Variants in CCDC88C observed in about 807,000 individuals in gnomAD.
The protein encoded by CCDC88C is coiled-coil and HOOK domain protein 88C, also known as protein Daple.
Under a neutral mutation model 198.8 loss-of-function variants are expected in CCDC88C, and 131 were observed. The ratio of observed to expected loss-of-function variants is 0.66; its 90% CI spans 0.57 to 0.76. CCDC88C has a LOEUF of 0.76. Among genes scored for constraint, CCDC88C ranks in the 30% least tolerant of loss-of-function variants. The pLI, the probability that CCDC88C is intolerant of heterozygous loss-of-function variation, is 0.00. For missense variants in CCDC88C, 2,553 were observed against 2,631.6 expected (o/e 0.97, Z 0.65); for synonymous variants, 1,166 against 1,114.7 (o/e 1.05, Z -0.92).
intron 23 of CCDC88C, among the ~76,000 whole-genome samples, chr14:91,292,432 T>C (rs1890699992): frequency 6.6e-6 from 1 of 152,208 alleles, no homozygotes; most frequent in Admixed American, 6.5e-5. Flanking sequence ...CTGCTGGCGA[T>C]ATTTTATCAC....
intron 3 of CCDC88C, among the ~76,000 whole-genome samples, chr14:91,384,123 C>T (rs923113070): frequency 1.3e-5 from 2 of 152,108 alleles, no homozygotes; most frequent in Non-Finnish European, 2.9e-5. Flanking sequence ...AACATCCAAG[C>T]CATGAAGATT....
At position 91,271,497 on chromosome 14, in the gene CCDC88C, A is replaced by G. The variant is rs1889732775; in HGVS notation, c.*1128T>C. On this transcript the variant is annotated 3_prime_UTR_variant, in exon 30 of 30. Transcript: ENST00000389857. ...AAAAAATCTTAAAAAAAAAAAATCAATAGGTTTAGTTCACCCCAGGAAAAG... is the reference window on the plus strand; with the variant it reads ...AAAAAATCTTAAAAAAAAAAAATCAGTAGGTTTAGTTCACCCCAGGAAAAG... The G allele has an allele frequency of 6.6e-6, 1 of 152,104 alleles. No individual in the cohort carries two copies. The highest frequency in any genetic ancestry group is 6.5e-5 in the Admixed American group (1 of 15,286). 9.4% of individuals were successfully genotyped at this position (152,104 alleles called of 1,614,324 possible). A position where few individuals can be genotyped will look rare whatever the true frequency, so the allele number is the denominator to read the frequency against.
rs147845088 is a variant in CCDC88C, at chr14:91,298,193, G to A, written c.3780-702C>T. Among the ~76,000 whole-genome samples, 11 of 152,248 alleles carry A rather than the reference G, an allele frequency of 7.2e-5. No individual in the cohort carries two copies. In the East Asian group the frequency reaches 2.1e-3, roughly 29 times the overall value. The stretch of plus-strand genomic sequence containing the variant: ...CTCACGCCTGTAATCCCAGCACTCT[G>A]GGAGGCTGAGGAGGGAGGATCGCTT... On this transcript the variant is annotated intron_variant, in intron 21 of 29. Coordinates refer to ENST00000389857, the MANE Select transcript of CCDC88C (RefSeq NM_001080414.4).
intron 10 of CCDC88C, 97 bp downstream of exon 10, chr14:91,337,908 T>TC (rs143526822): frequency 0.011 from 15,645 of 1,462,256 alleles, 123 homozygotes; most frequent in Middle Eastern, 0.029. Flanking sequence ...CAGCTGTGGC[T>TC]CCGCTCCTCC....
intron 23 of CCDC88C, among the ~76,000 whole-genome samples, chr14:91,293,451 GGTCCACCTTCCCATCCTCACCTGCCACA>G (rs1567055381): frequency 3.1e-3 from 4 of 1,302 alleles, no homozygotes; most frequent in Admixed American, 8.5e-3. Flanking sequence ...CACCTGCCAC[GGTCCACCTTCCCATCCTCACCTGCCACA>G]GCTCACCTTC....
Position 91,325,011 on chromosome 14 carries a change from T to C in CCDC88C, c.1198-88A>G. ...CTCAGCCCCTGTATAGCTACCGTCA[T>C]GTGCTGTGGATGAAGATGTACTGGC... On this transcript the variant is annotated intron_variant, in intron 11 of 29. Transcript: ENST00000389857. The surrounding 1 kb of genome is among the most constrained non-coding windows in gnomAD (Gnocchi z 4.1). The C allele has an allele frequency of 7.2e-6, 11 of 1,521,124 alleles. No homozygotes were observed. The highest frequency in any genetic ancestry group is 1.4e-5 in the African/African-American group (1 of 73,014). The allele number at this position is 1,521,124 out of a possible 1,614,324, so 94.2% of individuals were successfully genotyped here.
intron 29 of CCDC88C, among the ~76,000 whole-genome samples, chr14:91,274,096 C>T (rs1404774707): frequency 3.0e-5 from 4 of 134,996 alleles, no homozygotes; most frequent in East Asian, 2.1e-4. Flanking sequence ...CTTCACCTTG[C>T]GCCACCGAGA....
chr14:91,358,579 T>C (rs1894148002), intron 4 of CCDC88C, among the ~76,000 whole-genome samples: 1 of 152,228 alleles, frequency 6.6e-6, no homozygotes. Flanking sequence ...CATTACTCCA[T>C]TTAATGCACC....
intron 22 of CCDC88C, among the ~76,000 whole-genome samples, chr14:91,296,497 T>C (rs1891007798): frequency 2.6e-5 from 4 of 152,170 alleles, no homozygotes; most frequent in Admixed American, 2.6e-4. Flanking sequence ...GGCAGTGCCG[T>C]GGCCTTTGCC....
At chr14:91,311,251 C>T (rs1891810021) in intron 15 of CCDC88C, among the ~76,000 whole-genome samples, 3 of 152,230 alleles carry the variant, frequency 2.0e-5, no homozygotes, top group Non-Finnish European at 4.4e-5. Flanking sequence ...CCTAACTAAC[C>T]TACGCTAACG....
chr14:91,399,824 G>A (rs927010786), intron 3 of CCDC88C, among the ~76,000 whole-genome samples: 2 of 142,940 alleles, frequency 1.4e-5, no homozygotes, highest in African/African-American at 5.1e-5. Context: ...GGGCGACAGA[G>A]TGAGACTCCC....
Position 91,283,326 on chromosome 14 carries a change from C to A in CCDC88C, c.4630+3G>T. The A allele has an allele frequency of 6.2e-7, 1 of 1,612,630 alleles. No individual in the cohort carries two copies. Among genetic ancestry groups the A allele is most frequent in the Non-Finnish European group, 8.5e-7 (1 of 1,179,628 alleles). The stretch of plus-strand genomic sequence containing the variant: ...CATGGCTCTGGAAGGGCCTGTGACT[C>A]ACCTTTGGTGCGGCCTGGGTGCCGG... On this transcript the variant is annotated splice_donor_region_variant and intron_variant, in intron 26 of 29. Coordinates refer to ENST00000389857, the MANE Select transcript of CCDC88C (RefSeq NM_001080414.4).
chr14:91,326,509 A>G (rs1892590879), intron 10 of CCDC88C, among the ~76,000 whole-genome samples: 1 of 152,226 alleles, frequency 6.6e-6, no homozygotes, highest in South Asian at 2.1e-4. Flanking sequence ...CACTGTGCCC[A>G]GCCCATCTTC....
At chr14:91,333,414 G>T (rs185313528) in intron 10 of CCDC88C, among the ~76,000 whole-genome samples, 1 of 152,322 alleles carries the variant, frequency 6.6e-6, no homozygotes, top group Admixed American at 6.5e-5. Flanking sequence ...TTTCCTAACA[G>T]ATTGAGTTGG....
At chr14:91,318,638 G>C (rs1182139839) in intron 13 of CCDC88C, among the ~76,000 whole-genome samples, 1 of 152,176 alleles carries the variant, frequency 6.6e-6, no homozygotes, top group Non-Finnish European at 1.5e-5. Flanking sequence ...CCCAGCCTCA[G>C]AGATCATGAA....
chr14:91,371,414 G>C lies in CCDC88C; in HGVS notation c.271-11703C>G, dbSNP rs577558346. Among the ~76,000 whole-genome samples, 3 of 152,102 alleles carry C rather than the reference G, an allele frequency of 2.0e-5. No homozygotes were observed. Among genetic ancestry groups the C allele is most frequent in the Non-Finnish European group, 4.4e-5 (3 of 68,016 alleles). On this transcript the variant is annotated intron_variant, in intron 3 of 29. Transcript: ENST00000389857. This position sits in a 1 kb window ranked among gnomAD's most constrained non-coding sequence, Gnocchi z 4.2. ...GGCATGACCCCCCCAGCCAGAATGA[G>C]TGTAGTGGTCCCATGGGAGGAGCCA...
rs566562797 is a variant in CCDC88C at position 91,379,961 on chromosome 14, C to A, written c.271-20250G>T. On this transcript the variant is annotated intron_variant, in intron 3 of 29. Coordinates refer to ENST00000389857, the MANE Select transcript of CCDC88C (RefSeq NM_001080414.4). ...GAATACAGGCTCACTACGGGGATAT[C>A]GAAAGGGGTAAAACTGTTGGGAACT... 2.4e-5 allele frequency: 17 copies of A among 700,470 alleles called. No individual in the cohort carries two copies. The African/African-American group carries it at 3.0e-4, about 12-fold the overall frequency. 43.4% of individuals were successfully genotyped at this position (700,470 alleles called of 1,614,324 possible). A position where few individuals can be genotyped will look rare whatever the true frequency, so the allele number is the denominator to read the frequency against.
chr14:91,308,571 T>G, intron 16 of CCDC88C, 79 bp from the exon 17 acceptor site: 1 of 1,413,322 alleles, frequency 7.1e-7, no homozygotes, highest in Non-Finnish European at 9.9e-7. Context: ...TGCCAACACA[T>G]CACTCCTTCC....
Position 91,273,288 on chromosome 14 carries a change from G to A in CCDC88C, c.5424C>T (p.Ala1808=), listed in dbSNP as rs1274699414. ...CGCTGGCCCGGAGAAGGTCAGCTGA[G>A]GCCAGGCTGAAGGCCCGGCTCAAGG... ...SASLSRAFSL[A]SADLLRASGP... The change falls in exon 30 of 30, where the codon GCC becomes GCT. Residue 1808 remains alanine, a synonymous_variant. Coordinates refer to ENST00000389857, the MANE Select transcript of CCDC88C (RefSeq NM_001080414.4). The surrounding 1 kb of genome is among the most constrained non-coding windows in gnomAD (Gnocchi z 5.6). The A allele has an allele frequency of 1.2e-5, 19 of 1,558,782 alleles. No individual in the cohort carries two copies. The Middle Eastern group carries it at 5.1e-4, about 42-fold the overall frequency.
Sources: gnomAD v4.1 joint callset for allele counts (sites outside exome capture counted in the v4.1 genomes callset) on GRCh38, gnomAD v4.1.1 for gene constraint, Gnocchi (gnomAD v3.1) non-coding constraint, MANE v1.5 for transcripts, NCBI Gene and HGNC (gene_info 2026-07-23, HGNC 2026-07-21) for gene names.